Variants in TCF12 observed in about 807,000 individuals in gnomAD.
TCF12 encodes transcription factor 12.
In TCF12, 45 loss-of-function variants were observed where a neutral mutation model predicts 86.0. The observed-to-expected ratio is 0.52, with a 90% CI of 0.41 to 0.67. The LOEUF (loss-of-function observed/expected upper bound fraction) is 0.67, where lower values mean the gene tolerates loss of function less well. TCF12 is among the 30% of genes least tolerant of loss of function. The pLI, the probability that TCF12 is intolerant of heterozygous loss-of-function variation, is 0.00. For missense variants in TCF12, 881 were observed against 859.9 expected (o/e 1.02, Z -0.31); for synonymous variants, 330 against 299.6 (o/e 1.10, Z -1.05).
chr15:57,205,921 G>T (rs2057787404), intron 8 of TCF12, among the ~76,000 whole-genome samples: 1 of 152,152 alleles, frequency 6.6e-6, no homozygotes, highest in Admixed American at 6.5e-5. Flanking sequence ...TGATATGGCT[G>T]TATACAGTGA....
intron 5 of TCF12, among the ~76,000 whole-genome samples, chr15:57,133,939 G>T (rs1419780084): frequency 1.3e-5 from 2 of 152,094 alleles, no homozygotes; most frequent in Admixed American, 6.5e-5. Context: ...GTTTTGATAT[G>T]CCACTTGAAG....
intron 2 of TCF12, among the ~76,000 whole-genome samples, chr15:56,920,488 G>A (rs200921996): frequency 8.4e-4 from 1 of 1,194 alleles, no homozygotes; most frequent in African/African-American, 9.4e-4. Context: ...ACACACACAC[G>A]TGTGTGTGTG....
At chr15:57,251,919 A>G (rs534650059) in intron 14 of TCF12, among the ~76,000 whole-genome samples, 3 of 152,326 alleles carry the variant, frequency 2.0e-5, no homozygotes, top group Non-Finnish European at 2.9e-5. Context: ...AAAAAAGTAT[A>G]TTGTGCAAAT....
chr15:57,049,847 T>C (rs1007366822), intron 3 of TCF12, among the ~76,000 whole-genome samples: 6 of 152,244 alleles, frequency 3.9e-5, no homozygotes, highest in African/African-American at 1.2e-4. Flanking sequence ...CTAATTGATA[T>C]ATTTAGTTTT....
chr15:57,142,304 T>TATAGATAGATAGATAGATAG (rs60126987), intron 5 of TCF12, among the ~76,000 whole-genome samples: 14,552 of 149,608 alleles, frequency 0.097, 726 homozygotes, highest in Non-Finnish European at 0.11. Context: ...CTCACACTTT[T>TATAGATAGATAGATAGATAG]ATAGATAGAT....
At chr15:57,132,670 TTTTTTAAGAATGAAACCTA>T (rs1476508321) in intron 5 of TCF12, among the ~76,000 whole-genome samples, 1 of 152,212 alleles carries the variant, frequency 6.6e-6, no homozygotes, top group Non-Finnish European at 1.5e-5. Context: ...CTGGTTTGCT[TTTTTTAAGAATGAAACCTA>T]TTTTTCCTGA....
At chr15:57,219,165 G>A (rs2058461443) in intron 8 of TCF12, 1 of 1,070,636 alleles carries the variant, frequency 9.3e-7, no homozygotes, top group Non-Finnish European at 1.1e-6. Flanking sequence ...TTCCTTTTGT[G>A]TGTGTATATA....
intron 3 of TCF12, among the ~76,000 whole-genome samples, chr15:57,049,656 A>G (rs1225641517): frequency 6.6e-6 from 1 of 152,228 alleles, no homozygotes; most frequent in Non-Finnish European, 1.5e-5. Flanking sequence ...GCTATTACAA[A>G]TAAAGCTGCT....
chr15:57,217,760 G>A (rs1275661814), intron 8 of TCF12, among the ~76,000 whole-genome samples: 3 of 151,932 alleles, frequency 2.0e-5, no homozygotes, highest in East Asian at 1.9e-4. Flanking sequence ...GAGAGTAGCC[G>A]ATCTGTCAGT....
intron 5 of TCF12, among the ~76,000 whole-genome samples, chr15:57,101,954 A>G (rs1439547343): frequency 2.6e-5 from 4 of 152,236 alleles, no homozygotes; most frequent in Non-Finnish European, 5.9e-5. Flanking sequence ...TTAGCAAACT[A>G]CACACAAAGA....
chr15:57,138,475 G>A (rs1338274346), intron 5 of TCF12, among the ~76,000 whole-genome samples: 1 of 152,202 alleles, frequency 6.6e-6, no homozygotes, highest in Non-Finnish European at 1.5e-5. Context: ...GCCTCCAGTG[G>A]AAATTTAGGC....
chr15:57,000,965 AATT>A (rs1332158432), intron 3 of TCF12, among the ~76,000 whole-genome samples: 3 of 151,256 alleles, frequency 2.0e-5, no homozygotes, highest in Admixed American at 6.6e-5. Context: ...CCTTTTCTGT[AATT>A]ATTCTAGTGC....
At chr15:57,118,770 A>G (rs1483415666) in intron 5 of TCF12, among the ~76,000 whole-genome samples, 6 of 152,158 alleles carry the variant, frequency 3.9e-5, no homozygotes, top group African/African-American at 1.4e-4. Context: ...TGTAAAGGCA[A>G]TCTAAGTGTC....
At chr15:57,242,905 A>G (rs977237284) in intron 12 of TCF12, among the ~76,000 whole-genome samples, 16 of 152,224 alleles carry the variant, frequency 1.1e-4, no homozygotes, top group African/African-American at 3.6e-4. Flanking sequence ...TTCAAGGATG[A>G]CAGAGTATCT....
chr15:57,124,645 A>T (rs12899904), intron 5 of TCF12, among the ~76,000 whole-genome samples: 53,956 of 151,992 alleles, frequency 0.35, 11,990 homozygotes, highest in Non-Finnish European at 0.49. Flanking sequence ...CATTTTCACC[A>T]GACACAATGG....
intron 3 of TCF12, among the ~76,000 whole-genome samples, chr15:57,011,904 A>G (rs2064855609): frequency 6.6e-6 from 1 of 152,220 alleles, no homozygotes; most frequent in African/African-American, 2.4e-5. Context: ...AGCTATGAAA[A>G]TGGATTTGGA....
chr15:56,941,685 C>CTTT (rs111353408), intron 3 of TCF12, among the ~76,000 whole-genome samples: 47 of 143,388 alleles, frequency 3.3e-4, no homozygotes, highest in African/African-American at 1.1e-3. Flanking sequence ...TCTTCTTCTT[C>CTTT]TTTTTTTTTT....
intron 3 of TCF12, among the ~76,000 whole-genome samples, chr15:57,022,017 G>T (rs1480842049): frequency 6.6e-6 from 1 of 151,926 alleles, no homozygotes; most frequent in African/African-American, 2.4e-5. Flanking sequence ...CATAAACCCT[G>T]GTGATCAATA....
intron 5 of TCF12, among the ~76,000 whole-genome samples, chr15:57,097,293 G>A (rs2049392446): frequency 1.3e-5 from 2 of 152,084 alleles, no homozygotes; most frequent in East Asian, 1.9e-4. Context: ...CAGCACTTTG[G>A]GAGGTAGGAG....
Sources: gnomAD v4.1 joint callset for allele counts (sites outside exome capture counted in the v4.1 genomes callset) on GRCh38, gnomAD v4.1.1 for gene constraint, MANE v1.5 for transcripts, NCBI Gene and HGNC (gene_info 2026-07-23, HGNC 2026-07-21) for gene names.